The following TSPAN5 variants were observed in gnomAD, a reference collection of about 807,000 sequenced individuals.
TSPAN5 encodes the protein tetraspanin 5, also known as tetraspanin-5.
TSPAN5 carries 10 observed loss-of-function variants against 37.1 expected under a neutral mutation model. That is an observed-to-expected ratio of 0.27 (90% CI 0.17 to 0.46). TSPAN5 has a LOEUF of 0.46. Among genes scored for constraint, TSPAN5 ranks in the 20% least tolerant of loss-of-function variants. The probability of loss-of-function intolerance (pLI) is 1.00; values close to 1 mark genes in which losing one functional copy is unlikely to be tolerated. For missense variants in TSPAN5, 195 were observed against 326.6 expected, an observed-to-expected ratio of 0.60 and a Z score of 3.11; for synonymous variants, 110 against 118.9, an observed-to-expected ratio of 0.93 and a Z score of 0.48.
chr4:98,566,014 GTT>G (rs1334490403), intron 1 of TSPAN5, among the ~76,000 whole-genome samples: 1 of 152,162 alleles, frequency 6.6e-6, no homozygotes, highest in Admixed American at 6.5e-5. Flanking sequence ...AAGTTCCTTA[GTT>G]TTAGCGAGGA....
chr4:98,646,428 A>G lies in TSPAN5; in HGVS notation c.81+11718T>C, dbSNP rs139832910. Among the ~76,000 whole-genome samples, 260 of 151,012 alleles carry G rather than the reference A, an allele frequency of 1.7e-3. 1 individual carries two copies. The highest frequency in any genetic ancestry group is 6.1e-3 in the African/African-American group (252 of 41,296). On this transcript the variant is annotated intron_variant, in intron 1 of 7. Coordinates refer to ENST00000305798, the MANE Select transcript of TSPAN5 (RefSeq NM_005723.4). ...GTTCCAGAATGCCCAGATTTAACAG[A>G]TGTTGACAAAGGGTATCTATCCTCC...
chr4:98,636,434 A>C (rs1199948630), intron 1 of TSPAN5, among the ~76,000 whole-genome samples: 2 of 152,180 alleles, frequency 1.3e-5, no homozygotes, highest in Non-Finnish European at 2.9e-5. Flanking sequence ...AATCTTTTCC[A>C]AATTAAGAAT....
chr4:98,561,451 G>A (rs74483266), intron 1 of TSPAN5, among the ~76,000 whole-genome samples: 3,087 of 152,260 alleles, frequency 0.02, 47 homozygotes, highest in African/African-American at 0.042. Context: ...CACAAATCCT[G>A]GAAAATGGTA....
intron 1 of TSPAN5, among the ~76,000 whole-genome samples, chr4:98,616,646 G>A (rs2110241690): frequency 6.6e-6 from 1 of 152,230 alleles, no homozygotes; most frequent in Admixed American, 6.5e-5. Context: ...CTCTTAGTAT[G>A]AAGAGCCTCT....
chr4:98,503,339 C>A (rs1010093487), intron 2 of TSPAN5, among the ~76,000 whole-genome samples: 1 of 152,130 alleles, frequency 6.6e-6, no homozygotes, highest in East Asian at 1.9e-4. Flanking sequence ...AGAAAAGACA[C>A]CAGAGCGGGG....
At chr4:98,658,003 G>A in intron 1 of TSPAN5, 143 bp downstream of exon 1, 1 of 775,974 alleles carries the variant, frequency 1.3e-6, no homozygotes, top group Non-Finnish European at 2.3e-6. Context: ...GCGCAAGCTG[G>A]AAAGGCGGAA....
At chr4:98,592,042 G>A (rs1214426864) in intron 1 of TSPAN5, among the ~76,000 whole-genome samples, 2 of 151,884 alleles carry the variant, frequency 1.3e-5, no homozygotes, top group Admixed American at 6.6e-5. Flanking sequence ...TCCAGAAATT[G>A]ACCTACACAC....
rs72688500 is a variant in TSPAN5, at chr4:98,644,308, T to G, written c.81+13838A>C. Among the ~76,000 whole-genome samples, 550 of 152,258 alleles carry G rather than the reference T, an allele frequency of 3.6e-3. 4 individuals carry two copies. The highest frequency in any genetic ancestry group is 5.9e-3 in the Non-Finnish European group (399 of 68,016). ...GTTAATTAACTAAGGTTTGCTAAAT[T>G]CAAGGCCTCATAGGGAAATACAACT... is the stretch of plus-strand genomic sequence containing the variant. On this transcript the variant is annotated intron_variant, in intron 1 of 7. Transcript: ENST00000305798.
chr4:98,599,952 T>C lies in TSPAN5; in HGVS notation c.81+58194A>G, dbSNP rs1008535043. Among the ~76,000 whole-genome samples the C allele has an allele frequency of 3.3e-5, 5 of 152,314 alleles. No individual in the cohort carries two copies. In the East Asian group the frequency reaches 9.6e-4, roughly 29 times the overall value. ...TATCTTGGGTAACTACTAAATGGTTTTCCAAAATAATCACACTACAGATAT... is the reference window on the plus strand; with the variant it reads ...TATCTTGGGTAACTACTAAATGGTTCTCCAAAATAATCACACTACAGATAT... On this transcript the variant is annotated intron_variant, in intron 1 of 7. Coordinates refer to ENST00000305798, the MANE Select transcript of TSPAN5 (RefSeq NM_005723.4).
intron 1 of TSPAN5, among the ~76,000 whole-genome samples, chr4:98,607,343 T>TATGTTTG (rs1560556825): frequency 6.6e-6 from 1 of 152,162 alleles, no homozygotes; most frequent in African/African-American, 2.4e-5. Flanking sequence ...GGCATTTCTG[T>TATGTTTG]ATGTTTGGTG....
chr4:98,510,319 G>C (rs1437879483), intron 1 of TSPAN5, among the ~76,000 whole-genome samples: 1 of 152,166 alleles, frequency 6.6e-6, no homozygotes, highest in Non-Finnish European at 1.5e-5. Flanking sequence ...GATATAAAAA[G>C]TTGAGGCATT....
chr4:98,548,119 C>T (rs542574394), intron 1 of TSPAN5, among the ~76,000 whole-genome samples: 13 of 152,062 alleles, frequency 8.5e-5, no homozygotes, highest in Non-Finnish European at 1.6e-4. Context: ...AACTCTCCCA[C>T]GGTCTCTTAG....
At chr4:98,530,592 T>C (rs757376105) in intron 1 of TSPAN5, among the ~76,000 whole-genome samples, 12 of 152,166 alleles carry the variant, frequency 7.9e-5, no homozygotes, top group Admixed American at 2.0e-4. Context: ...AATAAGGGAA[T>C]GGGAGCTAAA....
intron 1 of TSPAN5, among the ~76,000 whole-genome samples, chr4:98,613,136 CTTT>C (rs11308204): frequency 3.4e-4 from 49 of 143,354 alleles, no homozygotes; most frequent in Non-Finnish European, 3.6e-4. Context: ...AGGGCAAAAC[CTTT>C]TTTTTTTTTT....
At chr4:98,639,484 AT>A (rs147127835) in intron 1 of TSPAN5, among the ~76,000 whole-genome samples, 23,356 of 136,456 alleles carry the variant, frequency 0.17, 1,864 homozygotes, top group South Asian at 0.31. Context: ...TGACTGGCTA[AT>A]TTTTTTTTTT....
At chr4:98,619,966 T>C (rs372632384) in intron 1 of TSPAN5, among the ~76,000 whole-genome samples, 2 of 152,250 alleles carry the variant, frequency 1.3e-5, no homozygotes, top group African/African-American at 4.8e-5. Context: ...CCTCATATTA[T>C]TGCATTGAGT....
chr4:98,656,853 T>G (rs1757303815), intron 1 of TSPAN5, among the ~76,000 whole-genome samples: 1 of 152,076 alleles, frequency 6.6e-6, no homozygotes, highest in African/African-American at 2.4e-5. Context: ...AAAAAGAATA[T>G]GAAGAGCCGT....
At chr4:98,648,106 T>C (rs1227361448) in intron 1 of TSPAN5, among the ~76,000 whole-genome samples, 2 of 152,214 alleles carry the variant, frequency 1.3e-5, no homozygotes, top group Non-Finnish European at 2.9e-5. Context: ...ATATCATGTC[T>C]GGGTCTTCTG....
intron 2 of TSPAN5, among the ~76,000 whole-genome samples, chr4:98,491,892 T>C (rs746568222): frequency 2.0e-5 from 3 of 151,324 alleles, no homozygotes; most frequent in Non-Finnish European, 4.4e-5. Flanking sequence ...TTAAACCTTG[T>C]AGTTGACAAG....
Sources: allele counts gnomAD v4.1 joint callset (sites outside exome capture counted in the v4.1 genomes callset), GRCh38; gene constraint gnomAD v4.1.1; transcripts MANE v1.5; gene names NCBI Gene and HGNC (gene_info 2026-07-23, HGNC 2026-07-21).